Variants in SELENOV observed in about 807,000 individuals in gnomAD.
The protein encoded by SELENOV is selenoprotein V.
In SELENOV, 25 loss-of-function variants were observed where a neutral mutation model predicts 21.6. That is an observed-to-expected ratio of 1.16 (90% CI 0.84 to 1.62). The LOEUF is 1.62. SELENOV is among the 40% of genes most tolerant of loss of function. SELENOV has a pLI of 0.00. For missense variants in SELENOV, 472 were observed against 459.0 expected, an observed-to-expected ratio of 1.03 and a Z score of -0.26; for synonymous variants, 227 against 216.9, an observed-to-expected ratio of 1.05 and a Z score of -0.41.
Position 39,519,059 on chromosome 19 carries a change from C to T in SELENOV, c.964-12C>T, listed in dbSNP as rs1205876117. On this transcript the variant is annotated splice_polypyrimidine_tract_variant and intron_variant, in intron 4 of 5. Coordinates refer to ENST00000335426, the Ensembl canonical transcript of SELENOV. ...GTGGGAGACCTGTGTGCTTTCTTCC[C>T]TCTGTGCCCAGAGGGGTGATGGCTT... The T allele has an allele frequency of 1.2e-6, 2 of 1,613,648 alleles. No individual in the cohort carries two copies. The highest frequency in any genetic ancestry group is 1.7e-6 in the Non-Finnish European group (2 of 1,179,756).
intron 1 of SELENOV, among the ~76,000 whole-genome samples, chr19:39,517,199 T>C (rs2079701524): frequency 6.6e-6 from 1 of 152,212 alleles, no homozygotes; most frequent in African/African-American, 2.4e-5. Context: ...TTTCTGCTTC[T>C]CCCTATCTCG....
intron 5 of SELENOV, among the ~76,000 whole-genome samples, chr19:39,519,936 G>A (rs1014209012): frequency 7.9e-6 from 1 of 126,852 alleles, no homozygotes; most frequent in African/African-American, 3.1e-5. Flanking sequence ...CTGCACTCCA[G>A]CCTGGGCGAC....
intron 1 of SELENOV, 43 bp from the exon 2 acceptor site, chr19:39,518,565 C>G (rs1442683053): frequency 2.5e-6 from 4 of 1,573,242 alleles, no homozygotes; most frequent in Admixed American, 1.8e-5. Flanking sequence ...GGTGTCTTCC[C>G]TGGTCTCTCT....
In SELENOV at chr19:39,515,491, C is replaced by T. The variant is rs760688919; in HGVS notation, c.279C>T (p.Ile93=). 1.9e-6 allele frequency: 3 copies of T among 1,551,318 alleles called. No homozygotes were observed. In the South Asian group the frequency reaches 3.6e-5, roughly 18 times the overall value. ...TTCCGCCTCCTGCTCCGGCCTGGAT[C>T]CCTACTCCGGTGCCGACTCCCGTTC... Residue 93 remains isoleucine (I), a synonymous_variant, in exon 1 of 6, where the codon ATC becomes ATT. Coordinates refer to ENST00000335426, the Ensembl canonical transcript of SELENOV. This position sits in a 1 kb window ranked among gnomAD's most constrained non-coding sequence, Gnocchi z 5.1.
At chr19:39,516,003 T>C (rs1205909108) in exon 1 of SELENOV, 2 of 1,592,690 alleles carry the variant, frequency 1.3e-6, no homozygotes, top group Non-Finnish European at 8.5e-7. Flanking sequence ...AAGAGGGTCC[T>C]GATTCGAGTG....
chr19:39,518,634 T>G lies in SELENOV; in HGVS notation c.834+2T>G, dbSNP rs1568455680. The G allele has an allele frequency of 1.2e-6, 2 of 1,608,388 alleles. No individual in the cohort carries two copies. Among genetic ancestry groups the G allele is most frequent in the Non-Finnish European group, 1.7e-6 (2 of 1,177,136 alleles). ...GGCCTCTGAAGCTATAGCCTTCGGG[T>G]GAGTAGTTTTGGCTTTGGAGGTAGG... On this transcript the variant is annotated splice_donor_variant, in intron 2 of 5. Transcript: ENST00000335426. LOFTEE classifies it high-confidence loss of function.
intron 1 of SELENOV, among the ~76,000 whole-genome samples, chr19:39,517,335 A>T (rs1278115717): frequency 6.6e-6 from 1 of 152,108 alleles, no homozygotes; most frequent in Non-Finnish European, 1.5e-5. Context: ...ACCATGTTCC[A>T]GGTCCTATTG....
rs1192099363 is a variant in SELENOV, at chr19:39,515,795, C to T, written c.583C>T (p.Arg195Cys). The stretch of plus-strand genomic sequence containing the variant: ...GCCCGCCCCGGGGCCCCTTCCCACG[C>T]GCACCCCGCTGGCCGCGAACTCACC... Residue 195 changes from arginine (R) to cysteine (C), a missense_variant, in exon 1 of 6, where the codon CGC becomes TGC. Transcript: ENST00000335426. This position sits in a 1 kb window ranked among gnomAD's most constrained non-coding sequence, Gnocchi z 5.1. 6 of 1,549,518 alleles carry T rather than the reference C, an allele frequency of 3.9e-6. No homozygotes were observed. The Admixed American group carries it at 5.9e-5, about 15-fold the overall frequency.
Position 39,515,728 on chromosome 19 carries a change from G to A in SELENOV, c.516G>A (p.Ala172=). The A allele has an allele frequency of 1.3e-6, 2 of 1,549,462 alleles. No individual in the cohort carries two copies. Among genetic ancestry groups the A allele is most frequent in the Non-Finnish European group, 8.7e-7 (1 of 1,146,688 alleles). The change falls in exon 1 of 6, where the codon GCG becomes GCA. Residue 172 remains alanine, a synonymous_variant. Transcript: ENST00000335426. The surrounding 1 kb of genome is among the most constrained non-coding windows in gnomAD (Gnocchi z 5.1). ...TGCCCGAGGAGGACCCTGAGCCGGCGCCGAGCCTGAAGCTCATCCCGTCGG... is the reference window on the plus strand; with the variant it reads ...TGCCCGAGGAGGACCCTGAGCCGGCACCGAGCCTGAAGCTCATCCCGTCGG...
chr19:39,516,892 T>A (rs989337116), intron 1 of SELENOV, among the ~76,000 whole-genome samples: 10 of 151,414 alleles, frequency 6.6e-5, no homozygotes, highest in African/African-American at 2.4e-4. Flanking sequence ...AGAGACGGGG[T>A]TTCACCATGT....
chr19:39,518,304 AGAG>A (rs1332189660), intron 1 of SELENOV, among the ~76,000 whole-genome samples: 3 of 136,260 alleles, frequency 2.2e-5, no homozygotes, highest in South Asian at 2.3e-4. Flanking sequence ...CAAAAAAAAA[AGAG>A]AGAGAGAGAG....
intron 1 of SELENOV, among the ~76,000 whole-genome samples, chr19:39,518,232 T>C (rs573332784): frequency 7.5e-4 from 109 of 145,496 alleles, no homozygotes; most frequent in African/African-American, 2.1e-3. Context: ...GATCGCGCCA[T>C]TGCACTCCAG....
exon 4 of SELENOV, chr19:39,518,953 C>G (rs770012276): frequency 1.2e-6 from 2 of 1,613,470 alleles, no homozygotes; most frequent in Admixed American, 1.7e-5. Context: ...TGTTTGTGAA[C>G]GGGAGACTGG....
rs1215171046 is a variant in SELENOV at position 39,515,536 on chromosome 19, G to T, written c.324G>T (p.Pro108=). ...CCGTTCCCGTCCGGAACCCAACTCC[G>T]GTCCCGACTCCGGCTCGGACCCTGA... The change falls in exon 1 of 6, where the codon CCG becomes CCT. Residue 108 remains proline (P), a synonymous_variant. Coordinates refer to ENST00000335426, the Ensembl canonical transcript of SELENOV. This position sits in a 1 kb window ranked among gnomAD's most constrained non-coding sequence, Gnocchi z 5.1. 6.4e-7 allele frequency: 1 copy of T among 1,550,454 alleles called. No homozygotes were observed. The highest frequency in any genetic ancestry group is 8.7e-7 in the Non-Finnish European group (1 of 1,146,884).
rs1568454132 is a variant in SELENOV, at chr19:39,515,305, C to CCGGACCCCGACTCCGGTCCGGACT, written c.102_125dup (p.Thr35_Pro42dup). The stretch of plus-strand genomic sequence containing the variant: ...CCCCGACCCGGACACCGACTCCACT[C>CCGGACCCCGACTCCGGTCCGGACT]CGGACCCCGACTCCGGTCCGGACTC... On this transcript the variant is annotated inframe_insertion, in exon 1 of 6. Transcript: ENST00000335426. The surrounding 1 kb of genome is among the most constrained non-coding windows in gnomAD (Gnocchi z 5.1). 1 of 1,551,266 alleles carries CCGGACCCCGACTCCGGTCCGGACT rather than the reference C, an allele frequency of 6.4e-7. No individual in the cohort carries two copies. Among genetic ancestry groups the CCGGACCCCGACTCCGGTCCGGACT allele is most frequent in the African/African-American group, 1.4e-5 (1 of 73,134 alleles).
Position 39,518,790 on chromosome 19 carries a change from CT to C in SELENOV, c.888del (p.Phe296LeufsTer?). ...AGCAGCAATTTCCGAATCACCTACT[CT>C]TTGTAAGTGTGTGGGGGTCCTGGGG... On this transcript the variant is annotated frameshift_variant and splice_region_variant, in exon 3 of 6. Transcript: ENST00000335426. LOFTEE classifies it high-confidence loss of function. 1 of 1,613,766 alleles carries C rather than the reference CT, an allele frequency of 6.2e-7. No individual in the cohort carries two copies. Among genetic ancestry groups the C allele is most frequent in the Non-Finnish European group, 8.5e-7 (1 of 1,179,740 alleles).
intron 5 of SELENOV, among the ~76,000 whole-genome samples, chr19:39,519,826 G>A (rs1294409818): frequency 2.0e-5 from 3 of 152,040 alleles, no homozygotes; most frequent in South Asian, 2.1e-4. Context: ...TTAGCCAGGC[G>A]TGGTGGCGGG....
At position 39,515,563 on chromosome 19, in the gene SELENOV, T is replaced by C; in HGVS notation, c.351T>C (p.Thr117=). The stretch of plus-strand genomic sequence containing the variant: ...TCCCGACTCCGGCTCGGACCCTGAC[T>C]CCTCCAGTCCGGGTCCCAGCCCCAG... Residue 117 remains threonine (T), a synonymous_variant, in exon 1 of 6, where the codon ACT becomes ACC. Coordinates refer to ENST00000335426, the Ensembl canonical transcript of SELENOV. This position sits in a 1 kb window ranked among gnomAD's most constrained non-coding sequence, Gnocchi z 5.1. 6.5e-7 allele frequency: 1 copy of C among 1,549,362 alleles called. No individual in the cohort carries two copies. The highest frequency in any genetic ancestry group is 8.7e-7 in the Non-Finnish European group (1 of 1,146,838).
Position 39,515,987 on chromosome 19 carries a change from C to T in SELENOV, c.775C>T (p.Leu259=), listed in dbSNP as rs1390819889. Residue 259 remains leucine (L), a synonymous_variant, in exon 1 of 6, where the codon CTG becomes TTG. Coordinates refer to ENST00000335426, the Ensembl canonical transcript of SELENOV. This position sits in a 1 kb window ranked among gnomAD's most constrained non-coding sequence, Gnocchi z 5.1. The stretch of plus-strand genomic sequence containing the variant: ...CCCCTCCTCCAGCGAGAACTTCGCG[C>T]TGGACAAGAGGGTCCTGATTCGAGT... The T allele has an allele frequency of 6.2e-7, 1 of 1,602,864 alleles. No homozygotes were observed. The highest frequency in any genetic ancestry group is 8.5e-7 in the Non-Finnish European group (1 of 1,175,234).
Sources: gnomAD v4.1 joint callset for allele counts (sites outside exome capture counted in the v4.1 genomes callset) on GRCh38, gnomAD v4.1.1 for gene constraint, Gnocchi (gnomAD v3.1) non-coding constraint, MANE v1.5 for transcripts, NCBI Gene and HGNC (gene_info 2026-07-23, HGNC 2026-07-21) for gene names.